MS4A12: variants seen among roughly 807,000 people sequenced by gnomAD.
The protein encoded by MS4A12 is membrane spanning 4-domains A12, also known as membrane-spanning 4-domains subfamily A member 12.
MS4A12 carries 28 observed loss-of-function variants against 23.7 expected under a neutral mutation model. The ratio of observed to expected loss-of-function variants is 1.18; its 90% CI spans 0.88 to 1.62. MS4A12 has a LOEUF of 1.62. Among genes scored for constraint, MS4A12 ranks in the 40% most tolerant of loss-of-function variants. MS4A12 has a pLI of 0.00. For missense variants in MS4A12, 342 were observed against 327.0 expected, an observed-to-expected ratio of 1.05 and a Z score of -0.35; for synonymous variants, 108 against 110.1, an observed-to-expected ratio of 0.98 and a Z score of 0.12.
chr11:60,503,664 C>T (rs750837463), intron 4 of MS4A12, 37 bp from the exon 5 acceptor site: 2 of 1,476,292 alleles, frequency 1.4e-6, no homozygotes. Flanking sequence ...TTCAGTGATC[C>T]TGTATATAAT....
At chr11:60,500,240 C>CA (rs1307382999) in intron 2 of MS4A12, among the ~76,000 whole-genome samples, 2,334 of 69,622 alleles carry the variant, frequency 0.034, 62 homozygotes, top group African/African-American at 0.11. Context: ...GACTCTGTCT[C>CA]AAAAAAAAAC....
chr11:60,498,233 A>G (rs1173713936), intron 2 of MS4A12, among the ~76,000 whole-genome samples: 2 of 152,206 alleles, frequency 1.3e-5, no homozygotes, highest in African/African-American at 2.4e-5. Context: ...CTTTCCAAAT[A>G]CATCATTCAT....
chr11:60,498,661 G>A (rs1292241758), intron 2 of MS4A12, among the ~76,000 whole-genome samples: 2 of 152,184 alleles, frequency 1.3e-5, no homozygotes, highest in Non-Finnish European at 2.9e-5. Flanking sequence ...AGTACTTAGT[G>A]TGTTAGAAGG....
In MS4A12 at chr11:60,507,208, C is replaced by T; in HGVS notation, c.*84C>T. 1 of 1,111,976 alleles carries T rather than the reference C, an allele frequency of 9.0e-7. No individual in the cohort carries two copies. The highest frequency in any genetic ancestry group is 1.3e-6 in the Non-Finnish European group (1 of 744,342). 68.9% of individuals were successfully genotyped at this position (1,111,976 alleles called of 1,614,324 possible). On this transcript the variant is annotated 3_prime_UTR_variant, in exon 7 of 7. Transcript: ENST00000016913. ...TTAAGAAGATGTCTTTTATTGTCTA[C>T]AATGATTTCTAGTCTTTAAAAACTG... is the stretch of plus-strand genomic sequence containing the variant.
At chr11:60,497,277 T>A in intron 1 of MS4A12, 36 bp from the exon 2 acceptor site, 2 of 1,555,474 alleles carry the variant, frequency 1.3e-6, no homozygotes, top group Non-Finnish European at 1.7e-6. Flanking sequence ...CTTTTCTGGA[T>A]AAACGTATCA....
At chr11:60,503,926 T>G in intron 5 of MS4A12, 109 bp downstream of exon 5, 2 of 945,514 alleles carry the variant, frequency 2.1e-6, no homozygotes, top group Admixed American at 5.1e-5. Flanking sequence ...AAATGTTTTT[T>G]CTATTCTAGC....
chr11:60,500,245 A>G (rs1383167725), intron 2 of MS4A12, among the ~76,000 whole-genome samples: 1 of 150,704 alleles, frequency 6.6e-6, no homozygotes, highest in Non-Finnish European at 1.5e-5. Context: ...TGTCTCAAAA[A>G]AAAACCAAAA....
intron 1 of MS4A12, 125 bp from the exon 2 acceptor site, chr11:60,497,188 G>C (rs1348249304): frequency 9.1e-7 from 1 of 1,099,654 alleles, no homozygotes; most frequent in Non-Finnish European, 1.3e-6. Flanking sequence ...CAGTTGTTAT[G>C]GCCCATTATC....
At position 60,492,812 on chromosome 11, in the gene MS4A12, G is replaced by C. The variant is rs2086458909; in HGVS notation, c.-23G>C. ...GGAGCAGAGAAAGAGGAAACATAGA[G>C]GTGCCAAAGGAACAAAGTAAGTCCA... On this transcript the variant is annotated 5_prime_UTR_variant, in exon 1 of 7. Transcript: ENST00000016913. 1 of 152,190 alleles carries C rather than the reference G, an allele frequency of 6.6e-6. No homozygotes were observed. The highest frequency in any genetic ancestry group is 1.9e-4 in the East Asian group (1 of 5,200). 9.4% of individuals were successfully genotyped at this position (152,190 alleles called of 1,614,324 possible).
At chr11:60,503,968 T>C (rs1324849077) in intron 5 of MS4A12, 151 bp downstream of exon 5, 3 of 640,050 alleles carry the variant, frequency 4.7e-6, no homozygotes, top group East Asian at 2.8e-5. Context: ...TCTAGGACTA[T>C]AGAATAAAGT....
chr11:60,493,376 TAAAA>T (rs59628484), intron 1 of MS4A12, among the ~76,000 whole-genome samples: 66,683 of 134,860 alleles, frequency 0.49, 15,516 homozygotes, highest in African/African-American at 0.53. Context: ...AACTCCATCT[TAAAA>T]AAAAAAAAAA....
At chr11:60,497,189 G>A in intron 1 of MS4A12, 124 bp from the exon 2 acceptor site, 1 of 1,113,782 alleles carries the variant, frequency 9.0e-7, no homozygotes, top group Non-Finnish European at 1.3e-6. Context: ...AGTTGTTATG[G>A]CCCATTATCT....
rs140200568 is a variant in MS4A12 at position 60,501,047 on chromosome 11, G to C, written c.279G>C (p.Val93=). 7 of 1,595,212 alleles carry C rather than the reference G, an allele frequency of 4.4e-6. No homozygotes were observed. Among genetic ancestry groups the C allele is most frequent in the Non-Finnish European group, 6.0e-6 (7 of 1,174,284 alleles). Residue 93 remains valine (V), a splice_region_variant and synonymous_variant, in exon 3 of 7, where the codon GTG becomes GTC. Coordinates refer to ENST00000016913, the MANE Select transcript of MS4A12 (RefSeq NM_017716.3). ...NFKEEAKALG[V]IQIMVGLMHI... ...AAATGGCTGTTTTCTTTTTTCAGGT[G>C]ATCCAGATCATGGTTGGATTGATGC...
At chr11:60,502,865 C>G (rs1360611758) in intron 4 of MS4A12, among the ~76,000 whole-genome samples, 5 of 151,998 alleles carry the variant, frequency 3.3e-5, no homozygotes, top group Non-Finnish European at 7.4e-5. Flanking sequence ...AATAAAGCAC[C>G]CTTTCTCTGC....
intron 5 of MS4A12, among the ~76,000 whole-genome samples, chr11:60,505,618 C>T (rs1480869942): frequency 6.6e-6 from 1 of 152,086 alleles, no homozygotes; most frequent in Non-Finnish European, 1.5e-5. Context: ...AGACCTGGCT[C>T]TTGTTTCCCT....
At chr11:60,502,176 G>A in intron 4 of MS4A12, 137 bp downstream of exon 4, 3 of 837,270 alleles carry the variant, frequency 3.6e-6, no homozygotes, top group Admixed American at 4.5e-5. Context: ...TTGCCTTATG[G>A]TCTGAGCGCT....
In MS4A12 at chr11:60,501,749, A is replaced by T. The variant is rs774691684; in HGVS notation, c.415-234A>T. On this transcript the variant is annotated intron_variant, in intron 3 of 6. Transcript: ENST00000016913. ...AAGGGATGGAGCAGTAAGCCTCAGAACAAGGAATGCTTAAACATTGTGAGT... is the reference window on the plus strand; with the variant it reads ...AAGGGATGGAGCAGTAAGCCTCAGATCAAGGAATGCTTAAACATTGTGAGT... Among the ~76,000 whole-genome samples, 68 of 152,322 alleles carry T rather than the reference A, an allele frequency of 4.5e-4. 1 individual carries two copies. Among genetic ancestry groups the T allele is most frequent in the Middle Eastern group, 3.4e-3 (1 of 294 alleles).
At chr11:60,502,477 T>C (rs1459934097) in intron 4 of MS4A12, among the ~76,000 whole-genome samples, 1 of 152,242 alleles carries the variant, frequency 6.6e-6, no homozygotes, top group Non-Finnish European at 1.5e-5. Context: ...TTCCTACTCT[T>C]ACACAGGTTG....
chr11:60,505,413 C>T (rs61900766), intron 5 of MS4A12, among the ~76,000 whole-genome samples: 419 of 151,838 alleles, frequency 2.8e-3, no homozygotes, highest in Non-Finnish European at 4.2e-3. Context: ...AGAGCCAAAC[C>T]GTATCAGGAG....
Sources: allele counts gnomAD v4.1 joint callset (sites outside exome capture counted in the v4.1 genomes callset), GRCh38; gene constraint gnomAD v4.1.1; transcripts MANE v1.5; gene names NCBI Gene and HGNC (gene_info 2026-07-23, HGNC 2026-07-21).